The following FSTL4 variants were observed in gnomAD, a reference collection of about 807,000 sequenced individuals.
The protein encoded by FSTL4 is follistatin like 4.
Under a neutral mutation model 78.2 loss-of-function variants are expected in FSTL4, and 28 were observed. The observed-to-expected ratio is 0.36, with a 90% confidence interval of 0.27 to 0.49. The LOEUF is 0.49. FSTL4 is among the 20% of genes least tolerant of loss of function. The pLI, the probability that FSTL4 is intolerant of heterozygous loss-of-function variation, is 0.98. For synonymous variants in FSTL4, 422 were observed against 440.5 expected (o/e 0.96, Z 0.53); for missense variants, 922 against 1,084.9 (o/e 0.85, Z 2.11).
In FSTL4 at chr5:133,394,364, C is replaced by T. The variant is rs757252299; in HGVS notation, c.409+6374G>A. ...CGGGGAGGTGTGGAGGGAGAGGCACCGGCGGGAACTGGGGCTGCGTGTGAC... is the reference window on the plus strand; with the variant it reads ...CGGGGAGGTGTGGAGGGAGAGGCACTGGCGGGAACTGGGGCTGCGTGTGAC... On this transcript the variant is annotated intron_variant, in intron 4 of 15. Coordinates refer to ENST00000265342, the MANE Select transcript of FSTL4 (RefSeq NM_015082.2). Among the ~76,000 whole-genome samples, 111 of 152,296 alleles carry T rather than the reference C, an allele frequency of 7.3e-4. 1 individual carries two copies. Among genetic ancestry groups the T allele is most frequent in the South Asian group, 4.1e-4 (2 of 4,828 alleles).
intron 3 of FSTL4, among the ~76,000 whole-genome samples, chr5:133,473,579 T>C (rs912368775): frequency 4.6e-5 from 7 of 152,206 alleles, no homozygotes; most frequent in Non-Finnish European, 4.4e-5. Flanking sequence ...ATTACCTACA[T>C]ATGCTTGAAT....
the FSTL4 span, among the ~76,000 whole-genome samples, chr5:133,699,549 G>A: frequency 6.6e-6 from 1 of 152,116 alleles, no homozygotes; most frequent in Non-Finnish European, 1.5e-5. Context: ...AGGGAGTAGT[G>A]CTAGTCTGTT....
the FSTL4 span, among the ~76,000 whole-genome samples, chr5:133,670,295 G>C: frequency 3.0e-4 from 45 of 152,218 alleles, no homozygotes; most frequent in Non-Finnish European, 5.3e-4. Flanking sequence ...AATTGCAAAA[G>C]GACCTCTGGA....
intron 3 of FSTL4, among the ~76,000 whole-genome samples, chr5:133,546,553 A>G (rs1759577956): frequency 1.3e-5 from 2 of 149,378 alleles, no homozygotes; most frequent in Admixed American, 6.7e-5. Context: ...TGTGTTCAGG[A>G]GAGGAAACCA....
chr5:133,372,276 T>TCTAA (rs1755328358), intron 4 of FSTL4, among the ~76,000 whole-genome samples: 2 of 151,950 alleles, frequency 1.3e-5, no homozygotes, highest in African/African-American at 4.8e-5. Flanking sequence ...TATGTATCTA[T>TCTAA]CTATCTATCT....
chr5:133,819,656 G>A, the FSTL4 span, among the ~76,000 whole-genome samples: 4 of 152,148 alleles, frequency 2.6e-5, no homozygotes, highest in African/African-American at 7.2e-5. Context: ...AGATGAAACC[G>A]GGCTGCCCAC....
intron 12 of FSTL4, among the ~76,000 whole-genome samples, chr5:133,218,917 T>C (rs753224844): frequency 6.6e-6 from 1 of 152,240 alleles, no homozygotes; most frequent in Non-Finnish European, 1.5e-5. Flanking sequence ...TTCACTGCTA[T>C]ATGATTAGCA....
chr5:133,667,842 A>T, the FSTL4 span, among the ~76,000 whole-genome samples: 4 of 152,230 alleles, frequency 2.6e-5, no homozygotes, highest in African/African-American at 9.6e-5. Flanking sequence ...AGGGACAGGG[A>T]TGTTCATCTG....
At chr5:133,479,870 A>G (rs1032424658) in intron 3 of FSTL4, among the ~76,000 whole-genome samples, 3 of 152,170 alleles carry the variant, frequency 2.0e-5, no homozygotes, top group African/African-American at 4.8e-5. Flanking sequence ...CTGTTAGAAA[A>G]TGAAATACTA....
chr5:133,574,498 A>T (rs1332312437), intron 2 of FSTL4, among the ~76,000 whole-genome samples: 1 of 152,228 alleles, frequency 6.6e-6, no homozygotes, highest in Non-Finnish European at 1.5e-5. Context: ...CCACCTTCTT[A>T]ATCCTTTAAT....
chr5:133,234,984 GC>G (rs1374313147), intron 7 of FSTL4, among the ~76,000 whole-genome samples: 1 of 152,078 alleles, frequency 6.6e-6, no homozygotes, highest in African/African-American at 2.4e-5. Flanking sequence ...CCTTTCCCTG[GC>G]CCTTTCTGAG....
At position 133,440,223 on chromosome 5, in the gene FSTL4, C is replaced by T. The variant is rs138266498; in HGVS notation, c.161-39237G>A. Among the ~76,000 whole-genome samples the T allele has an allele frequency of 5.8e-4, 88 of 152,220 alleles. 1 individual carries two copies. Among genetic ancestry groups the T allele is most frequent in the African/African-American group, 1.9e-3 (79 of 41,536 alleles). On this transcript the variant is annotated intron_variant, in intron 3 of 15. Transcript: ENST00000265342. This position sits in a 1 kb window ranked among gnomAD's most constrained non-coding sequence, Gnocchi z 4.1. ...GCGCTGTGGAGGGAGAGGGCCTCAG[C>T]GGGCAAGGTGGGCCGCTGACAAGGT... is the stretch of plus-strand genomic sequence containing the variant.
intron 6 of FSTL4, among the ~76,000 whole-genome samples, chr5:133,304,471 T>C (rs1236778921): frequency 1.3e-5 from 2 of 152,014 alleles, no homozygotes; most frequent in East Asian, 3.9e-4. Context: ...AAGAGGAGGG[T>C]TTAAAAAAAT....
the FSTL4 span, among the ~76,000 whole-genome samples, chr5:133,700,150 G>A: frequency 2.7e-5 from 4 of 146,686 alleles, no homozygotes; most frequent in African/African-American, 1.0e-4. Context: ...ACATCACACT[G>A]AACCACCACA....
Position 133,426,374 on chromosome 5 carries a change from A to G in FSTL4, c.161-25388T>C, listed in dbSNP as rs1442713591. 6.6e-6 allele frequency among the ~76,000 whole-genome samples: 1 copy of G among 152,184 alleles called. No homozygotes were observed. Among genetic ancestry groups the G allele is most frequent in the South Asian group, 2.1e-4 (1 of 4,832 alleles). ...AGGACCAGTGGCTTGGGTCTCCTGC[A>G]TAATGAGCCCATGTCACTTCATGGG... is the stretch of plus-strand genomic sequence containing the variant. On this transcript the variant is annotated intron_variant, in intron 3 of 15. Coordinates refer to ENST00000265342, the MANE Select transcript of FSTL4 (RefSeq NM_015082.2). The surrounding 1 kb of genome is among the most constrained non-coding windows in gnomAD (Gnocchi z 5.0).
intron 6 of FSTL4, among the ~76,000 whole-genome samples, chr5:133,250,518 T>A (rs1197263588): frequency 6.6e-6 from 1 of 152,206 alleles, no homozygotes; most frequent in Non-Finnish European, 1.5e-5. Context: ...TATTCCCTAT[T>A]CATGCTTACG....
intron 3 of FSTL4, among the ~76,000 whole-genome samples, chr5:133,531,983 T>A (rs1759263776): frequency 6.6e-6 from 1 of 152,214 alleles, no homozygotes; most frequent in South Asian, 2.1e-4. Flanking sequence ...CTGGTACCTA[T>A]ACATATGTTC....
chr5:133,795,207 C>T, the FSTL4 span, among the ~76,000 whole-genome samples: 3 of 152,182 alleles, frequency 2.0e-5, no homozygotes, highest in South Asian at 6.2e-4. Context: ...TACAGGCTGG[C>T]TATGGGGCCA....
the FSTL4 span, among the ~76,000 whole-genome samples, chr5:133,832,924 A>C: frequency 6.6e-6 from 1 of 152,220 alleles, no homozygotes; most frequent in Non-Finnish European, 1.5e-5. Flanking sequence ...ATGGACACCA[A>C]AATTTGAATT....
Sources: gnomAD v4.1 joint callset for allele counts (sites outside exome capture counted in the v4.1 genomes callset) on GRCh38, gnomAD v4.1.1 for gene constraint, Gnocchi (gnomAD v3.1) non-coding constraint, MANE v1.5 for transcripts, NCBI Gene and HGNC (gene_info 2026-07-23, HGNC 2026-07-21) for gene names.